The following KCNIP4 variants were observed in gnomAD, a reference collection of about 807,000 sequenced individuals.
KCNIP4 encodes the protein Kv channel-interacting protein 4.
In KCNIP4, 12 loss-of-function variants were observed where a neutral mutation model predicts 34.0. The observed-to-expected ratio is 0.35, with a 90% CI of 0.23 to 0.57. KCNIP4 has a LOEUF of 0.57. Among genes scored for constraint, KCNIP4 ranks in the 20% least tolerant of loss-of-function variants. The pLI is 0.83. For missense variants in KCNIP4, 238 were observed against 311.7 expected, an observed-to-expected ratio of 0.76 and a Z score of 1.78; for synonymous variants, 124 against 102.2, an observed-to-expected ratio of 1.21 and a Z score of -1.29.
At chr4:20,877,432 A>G (rs1724177906) in intron 2 of KCNIP4, among the ~76,000 whole-genome samples, 1 of 152,082 alleles carries the variant, frequency 6.6e-6, no homozygotes. Flanking sequence ...ACCCTGACTG[A>G]TACTGAATCA....
chr4:21,151,274 T>C (rs867014251), intron 1 of KCNIP4, among the ~76,000 whole-genome samples: 2 of 152,110 alleles, frequency 1.3e-5, no homozygotes, highest in African/African-American at 2.4e-5. Flanking sequence ...AAAATCATGA[T>C]TTTATTAAAA....
chr4:21,887,383 C>A (rs182439902), intron 1 of KCNIP4, among the ~76,000 whole-genome samples: 86 of 152,204 alleles, frequency 5.7e-4, no homozygotes, highest in African/African-American at 2.0e-3. Context: ...TATCTTCTTA[C>A]AAGGACACTA....
At chr4:21,421,353 A>T (rs935163195) in intron 1 of KCNIP4, among the ~76,000 whole-genome samples, 2 of 152,224 alleles carry the variant, frequency 1.3e-5, no homozygotes, top group Admixed American at 1.3e-4. Context: ...CACAATAGCC[A>T]GGATTTGAAA....
intron 1 of KCNIP4, chr4:20,916,437 G>A: frequency 1.5e-6 from 1 of 688,678 alleles, no homozygotes. Context: ...TATATGTGTG[G>A]TTTCTGTGTG....
intron 1 of KCNIP4, among the ~76,000 whole-genome samples, chr4:21,836,098 C>A (rs1368929170): frequency 6.6e-6 from 1 of 152,152 alleles, no homozygotes; most frequent in Non-Finnish European, 1.5e-5. Context: ...GCAAGGGGCA[C>A]ACCACCCCTA....
intron 1 of KCNIP4, among the ~76,000 whole-genome samples, chr4:21,495,956 G>T (rs895089627): frequency 2.6e-5 from 4 of 152,198 alleles, no homozygotes; most frequent in Non-Finnish European, 4.4e-5. Flanking sequence ...CCAGAAGTTT[G>T]TGGGTGGGGC....
At chr4:21,688,932 T>C (rs191899343) in intron 1 of KCNIP4, among the ~76,000 whole-genome samples, 34 of 152,164 alleles carry the variant, frequency 2.2e-4, no homozygotes, top group Admixed American at 1.5e-3. Context: ...ACCTTGCCCA[T>C]TGTCCTTGCC....
intron 1 of KCNIP4, among the ~76,000 whole-genome samples, chr4:21,234,235 ATATATATAACATATAT>A (rs1322908591): frequency 1.1e-4 from 4 of 36,526 alleles, no homozygotes; most frequent in African/African-American, 2.8e-4. Flanking sequence ...CATATATAAC[ATATATATAACATATAT>A]TATATATAAC....
intron 1 of KCNIP4, among the ~76,000 whole-genome samples, chr4:21,946,388 G>C (rs1271396719): frequency 6.6e-6 from 1 of 152,126 alleles, no homozygotes; most frequent in Non-Finnish European, 1.5e-5. Flanking sequence ...CATAGTACAA[G>C]ATAGTTTGGG....
chr4:20,789,793 T>C (rs1030927452), intron 3 of KCNIP4, among the ~76,000 whole-genome samples: 2 of 151,244 alleles, frequency 1.3e-5, no homozygotes, highest in Non-Finnish European at 2.9e-5. Flanking sequence ...GTAGCTCAGA[T>C]ATTAGCTGAG....
chr4:21,259,074 A>G (rs1560224822), intron 1 of KCNIP4, among the ~76,000 whole-genome samples: 2 of 152,166 alleles, frequency 1.3e-5, no homozygotes, highest in Non-Finnish European at 2.9e-5. Context: ...CAGAGAGTTT[A>G]AATACTTTTC....
intron 1 of KCNIP4, among the ~76,000 whole-genome samples, chr4:21,153,393 C>A (rs1411887412): frequency 1.3e-5 from 2 of 151,424 alleles, no homozygotes; most frequent in Non-Finnish European, 2.9e-5. Context: ...ACATTGAGCA[C>A]TTTTTCTATG....
At chr4:20,879,069 A>G (rs1249783591) in intron 2 of KCNIP4, among the ~76,000 whole-genome samples, 1 of 152,110 alleles carries the variant, frequency 6.6e-6, no homozygotes, top group Non-Finnish European at 1.5e-5. Flanking sequence ...TTAGGAGACT[A>G]CATCTGGCTG....
At chr4:21,686,394 C>T (rs956843412) in intron 1 of KCNIP4, among the ~76,000 whole-genome samples, 13 of 151,690 alleles carry the variant, frequency 8.6e-5, no homozygotes, top group African/African-American at 2.2e-4. Context: ...GTAATTTTAC[C>T]GTATTTGAAG....
rs973918309 is a variant in KCNIP4, at chr4:21,015,453, TCATATAATATATAAC to T, written c.62-132759_62-132745del. Among the ~76,000 whole-genome samples, 98 of 141,818 alleles carry T rather than the reference TCATATAATATATAAC, an allele frequency of 6.9e-4. 1 individual carries two copies. Among genetic ancestry groups the T allele is most frequent in the African/African-American group, 2.5e-3 (98 of 38,664 alleles). 93.0% of individuals were successfully genotyped at this position (141,818 alleles called of 152,430 possible). A position where few individuals can be genotyped will look rare whatever the true frequency, so the allele number is the denominator to read the frequency against. The stretch of plus-strand genomic sequence containing the variant: ...GGTTATATATAATATATATATTATA[TCATATAATATATAAC>T]CATATAATATATATTATATATAACA... On this transcript the variant is annotated intron_variant, in intron 1 of 8. Coordinates refer to ENST00000382152, the MANE Select transcript of KCNIP4 (RefSeq NM_025221.6).
intron 1 of KCNIP4, among the ~76,000 whole-genome samples, chr4:21,919,744 T>G (rs1401816300): frequency 6.6e-6 from 1 of 152,080 alleles, no homozygotes; most frequent in African/African-American, 2.4e-5. Context: ...AGTTCTATAC[T>G]CTGATAAAGG....
At chr4:21,014,492 T>C (rs1341272279) in intron 1 of KCNIP4, among the ~76,000 whole-genome samples, 1 of 152,228 alleles carries the variant, frequency 6.6e-6, no homozygotes, top group African/African-American at 2.4e-5. Context: ...GATTAATATT[T>C]CTGCATCACT....
At chr4:21,426,570 C>A (rs900453776) in intron 1 of KCNIP4, among the ~76,000 whole-genome samples, 1 of 151,478 alleles carries the variant, frequency 6.6e-6, no homozygotes, top group Non-Finnish European at 1.5e-5. Flanking sequence ...GAAAAAGCAC[C>A]CTTTCCGAGG....
At chr4:21,005,716 TA>T (rs1221902997) in intron 1 of KCNIP4, among the ~76,000 whole-genome samples, 1 of 152,138 alleles carries the variant, frequency 6.6e-6, no homozygotes, top group African/African-American at 2.4e-5. Flanking sequence ...TTATAGAATT[TA>T]AGAGGCCTCA....
Sources: allele counts gnomAD v4.1 joint callset (sites outside exome capture counted in the v4.1 genomes callset), GRCh38; gene constraint gnomAD v4.1.1; transcripts MANE v1.5; gene names NCBI Gene and HGNC (gene_info 2026-07-23, HGNC 2026-07-21).